The following DOCK8 variants were observed in gnomAD, a reference collection of about 807,000 sequenced individuals.
DOCK8 encodes dedicator of cytokinesis protein 8.
Under a neutral mutation model 245.6 loss-of-function variants are expected in DOCK8, and 141 were observed. The ratio of observed to expected loss-of-function variants is 0.57; its 90% CI spans 0.50 to 0.66. The LOEUF (loss-of-function observed/expected upper bound fraction) is 0.66, where lower values mean the gene tolerates loss of function less well. Ranked by LOEUF, DOCK8 falls within the 30% of genes least tolerant of loss-of-function variation. DOCK8 has a pLI of 0.00. For missense variants in DOCK8, 2,965 were observed against 2,603.4 expected, an observed-to-expected ratio of 1.14 and a Z score of -3.02; for synonymous variants, 1,168 against 970.2, an observed-to-expected ratio of 1.20 and a Z score of -3.79.
chr9:393,298 G>T lies in DOCK8; in HGVS notation c.2970+2732G>T, dbSNP rs564439034. The stretch of plus-strand genomic sequence containing the variant: ...TGTAATGATGTCTCTGTTCTTCACA[G>T]AATCCCAATAATAGTTGGCATACCA... On this transcript the variant is annotated intron_variant, in intron 24 of 47. Coordinates refer to ENST00000432829, the MANE Select transcript of DOCK8 (RefSeq NM_203447.4). Among the ~76,000 whole-genome samples the T allele has an allele frequency of 2.9e-4, 44 of 152,110 alleles. 1 individual carries two copies. In the South Asian group the frequency reaches 4.1e-3, roughly 14 times the overall value.
chr9:215,592 A>T, intron 1 of DOCK8: 1 of 680,624 alleles, frequency 1.5e-6, no homozygotes, highest in Non-Finnish European at 2.2e-6. Flanking sequence ...CAAAGGAGCC[A>T]TGAAGTGGAA....
At position 449,866 on chromosome 9, in the gene DOCK8, C is replaced by T. The variant is rs565777410; in HGVS notation, c.5900C>T (p.Pro1967Leu). ...TTAGCAGTTGCCATTAACCAGGAGC[C>T]GCCTGATGCAAAGATGCTTCAGATG... is the stretch of plus-strand genomic sequence containing the variant. ...LQLAVAINQE[P>L]PDAKMLQMVL... Residue 1967 changes from proline to leucine, a missense_variant, in exon 45 of 48, where the codon CCG (proline) becomes CTG (leucine). Pro to Leu is a moderately conservative substitution (Grantham distance 98). Coordinates refer to ENST00000432829, the MANE Select transcript of DOCK8 (RefSeq NM_203447.4). 8.7e-6 allele frequency: 14 copies of T among 1,613,738 alleles called. No homozygotes were observed. Among genetic ancestry groups the T allele is most frequent in the East Asian group, 2.2e-5 (1 of 44,874 alleles).
chr9:429,237 G>T (rs912666178), intron 35 of DOCK8, among the ~76,000 whole-genome samples: 1 of 152,240 alleles, frequency 6.6e-6, no homozygotes, highest in Non-Finnish European at 1.5e-5. Context: ...AAAGCACTGG[G>T]ATTACAGGCG....
intron 23 of DOCK8, among the ~76,000 whole-genome samples, chr9:387,451 A>G (rs1341079257): frequency 2.0e-5 from 3 of 151,928 alleles, no homozygotes; most frequent in South Asian, 2.1e-4. Flanking sequence ...TCAAAAAAAA[A>G]AAAAAAGAAA....
intron 30 of DOCK8, 143 bp downstream of exon 30, chr9:418,350 C>A: frequency 8.9e-7 from 1 of 1,118,326 alleles, no homozygotes; most frequent in East Asian, 2.4e-5. Flanking sequence ...CAGTTCACTG[C>A]AACCTCCGCC....
intron 1 of DOCK8, among the ~76,000 whole-genome samples, chr9:225,898 G>A (rs12349654): frequency 0.013 from 1,948 of 152,258 alleles, 46 homozygotes; most frequent in African/African-American, 0.045. Flanking sequence ...AATTTGATGT[G>A]TTGGAAGAAA....
At chr9:403,996 A>ATATATATATATGTG (rs1586931997) in intron 26 of DOCK8, among the ~76,000 whole-genome samples, 1 of 121,938 alleles carries the variant, frequency 8.2e-6, no homozygotes, top group African/African-American at 3.8e-5. Context: ...ATATATGTGT[A>ATATATATATATGTG]TATATATATA....
At chr9:247,391 TGA>T (rs1238444322) in intron 1 of DOCK8, among the ~76,000 whole-genome samples, 1 of 152,220 alleles carries the variant, frequency 6.6e-6, no homozygotes, top group South Asian at 2.1e-4. Context: ...ATCTTTTAAC[TGA>T]GAGGGTATTT....
At chr9:441,528 G>T (rs2057095782) in intron 41 of DOCK8, 111 bp downstream of exon 41, 1 of 1,520,352 alleles carries the variant, frequency 6.6e-7, no homozygotes. Flanking sequence ...TTAGCACATT[G>T]CTTTTGCTCT....
chr9:328,187 C>A lies in DOCK8; in HGVS notation c.1044+16C>A. The stretch of plus-strand genomic sequence containing the variant: ...GGTAGTCAAGGTAATTCAGTACGAT[C>A]TGATTTGCCCAATCTGATGTTTTCA... On this transcript the variant is annotated intron_variant, in intron 9 of 47. Coordinates refer to ENST00000432829, the MANE Select transcript of DOCK8 (RefSeq NM_203447.4). The A allele has an allele frequency of 1.2e-6, 2 of 1,609,288 alleles. No individual in the cohort carries two copies. The highest frequency in any genetic ancestry group is 2.2e-5 in the South Asian group (2 of 90,550).
Position 432,286 on chromosome 9 carries a change from G to A in DOCK8, c.4747G>A (p.Glu1583Lys). Residue 1583 changes from glutamate (E) to lysine (K), a missense_variant, in exon 37 of 48, where the codon GAG becomes AAG. Glu to Lys is a moderately conservative substitution (Grantham distance 56, BLOSUM62 1). Around this residue, in one of 3 missense-constraint regions of DOCK8, gnomAD observed 2,825 missense variants for 2,453.5 expected, o/e 1.15. Transcript: ENST00000432829. ...SLRTILAYSE[E>K]DTAMQMTPFP... ...GAGGACAATTTTGGCCTATTCAGAA[G>A]AGGACACAGCCATGCAGATGACTCC... is the stretch of plus-strand genomic sequence containing the variant. 2 of 1,614,074 alleles carry A rather than the reference G, an allele frequency of 1.2e-6. No individual in the cohort carries two copies. Among genetic ancestry groups the A allele is most frequent in the Non-Finnish European group, 1.7e-6 (2 of 1,180,020 alleles).
rs1304229348 is a variant in DOCK8 at position 329,428 on chromosome 9, G to C, written c.1044+1257G>C. On this transcript the variant is annotated intron_variant, in intron 9 of 47. Transcript: ENST00000432829. Reference sequence around the variant, plus strand: ...CAGGTAGCTTTGAGGTCACTTAACAGATGGCAAATGTCTTTTCACTCTAGC... The same window carrying C: ...CAGGTAGCTTTGAGGTCACTTAACACATGGCAAATGTCTTTTCACTCTAGC... 2.0e-5 allele frequency among the ~76,000 whole-genome samples: 3 copies of C among 152,090 alleles called. No individual in the cohort carries two copies. In the East Asian group the frequency reaches 5.8e-4, roughly 29 times the overall value.
At chr9:362,393 C>G (rs909471697) in intron 14 of DOCK8, among the ~76,000 whole-genome samples, 1 of 152,192 alleles carries the variant, frequency 6.6e-6, no homozygotes, top group African/African-American at 2.4e-5. Context: ...TAATGATTGA[C>G]TCACCATGAC....
intron 23 of DOCK8, among the ~76,000 whole-genome samples, chr9:389,988 C>T (rs2054116815): frequency 6.6e-6 from 1 of 151,950 alleles, no homozygotes; most frequent in Non-Finnish European, 1.5e-5. Flanking sequence ...CCACCGCATT[C>T]CAGCCTGGGC....
rs1038080027 is a variant in DOCK8 at position 379,707 on chromosome 9, A to G, written c.2441-64A>G. The G allele has an allele frequency of 3.8e-6, 6 of 1,578,664 alleles. No individual in the cohort carries two copies. In the African/African-American group the frequency reaches 6.7e-5, roughly 18 times the overall value. On this transcript the variant is annotated intron_variant, in intron 20 of 47. Coordinates refer to ENST00000432829, the MANE Select transcript of DOCK8 (RefSeq NM_203447.4). ...GACTCATTGTCACTGTCCTGGAGAA[A>G]CTTCCACCTCAGGCTCCTTAAGGAC...
rs76737642 is a variant in DOCK8 at position 394,393 on chromosome 9, C to G, written c.2971-2392C>G. ...TACATTGTTTATGCATTTGCCTGAC[C>G]AATGCCCAGGAAGTTATTTGAAAAC... On this transcript the variant is annotated intron_variant, in intron 24 of 47. Transcript: ENST00000432829. 8.9e-3 allele frequency among the ~76,000 whole-genome samples: 1,358 copies of G among 152,324 alleles called. 17 individuals are homozygous for G. Among genetic ancestry groups the G allele is most frequent in the South Asian group, 0.039 (189 of 4,826 alleles).
In DOCK8 at chr9:386,204, T is replaced by G. The variant is rs530478096; in HGVS notation, c.2779-127T>G. On this transcript the variant is annotated intron_variant, in intron 22 of 47. Coordinates refer to ENST00000432829, the MANE Select transcript of DOCK8 (RefSeq NM_203447.4). ...TTGTTTTATATTTACTTATGGCAAT[T>G]GTTTTACCTTTGTAACCAGGAAAAA... 5.2e-6 allele frequency: 4 copies of G among 762,624 alleles called. No individual in the cohort carries two copies. The South Asian group carries it at 5.9e-5, about 11-fold the overall frequency. The allele number at this position is 762,624 out of a possible 1,614,324, so 47.2% of individuals were successfully genotyped here. A position where few individuals can be genotyped will look rare whatever the true frequency, so the allele number is the denominator to read the frequency against.
At chr9:293,639 C>T (rs72701262) in intron 4 of DOCK8, among the ~76,000 whole-genome samples, 1 of 152,338 alleles carries the variant, frequency 6.6e-6, no homozygotes, top group Non-Finnish European at 1.5e-5. Context: ...TTTGGGGAGA[C>T]AAAGTTTGGT....
chr9:251,922 A>T lies in DOCK8; in HGVS notation c.54-19705A>T, dbSNP rs114692704. On this transcript the variant is annotated intron_variant, in intron 1 of 47. Transcript: ENST00000432829. ...TACACCAAAAAGTAAGAAGAATGGG[A>T]AACTACTTAACCAGCACATGGGGTG... Among the ~76,000 whole-genome samples the T allele has an allele frequency of 5.8e-3, 877 of 152,102 alleles. 5 individuals carry two copies. The highest frequency in any genetic ancestry group is 0.02 in the African/African-American group (815 of 41,504).
Sources: gnomAD v4.1 joint callset for allele counts (sites outside exome capture counted in the v4.1 genomes callset) on GRCh38, gnomAD v4.1.1 for gene constraint, gnomAD v4.1.1 regional missense constraint, MANE v1.5 for transcripts, NCBI Gene and HGNC (gene_info 2026-07-23, HGNC 2026-07-21) for gene names.